The following DHRS7B variants were observed in gnomAD, a reference collection of about 807,000 sequenced individuals.
DHRS7B encodes the protein peroxisomal reductase activating PPAR-gamma.
Under a neutral mutation model 26.4 loss-of-function variants are expected in DHRS7B, and 24 were observed. That is an observed-to-expected ratio of 0.91 (90% CI 0.66 to 1.28). DHRS7B has a LOEUF of 1.28. Ranked by LOEUF, DHRS7B falls within the 50% of genes most tolerant of loss-of-function variation. The probability of loss-of-function intolerance (pLI) is 0.00; values close to 1 mark genes in which losing one functional copy is unlikely to be tolerated. For synonymous variants in DHRS7B, 142 were observed against 166.4 expected (o/e 0.85, Z 1.13); for missense variants, 368 against 419.4 (o/e 0.88, Z 1.07).
intron 1 of DHRS7B, among the ~76,000 whole-genome samples, chr17:21,164,992 T>C (rs1447258318): frequency 6.6e-6 from 1 of 152,260 alleles, no homozygotes; most frequent in Non-Finnish European, 1.5e-5. Context: ...TCTCTGGGAA[T>C]TGCCTTTTTT....
At chr17:21,127,168 C>T in intron 1 of DHRS7B, 177 bp downstream of exon 1, 1 of 632,428 alleles carries the variant, frequency 1.6e-6, no homozygotes, top group Non-Finnish European at 2.5e-6. Context: ...TCAGCCCAGG[C>T]GCTGGGACCA....
At chr17:21,165,045 A>T (rs1384293641) in intron 1 of DHRS7B, among the ~76,000 whole-genome samples, 1 of 152,206 alleles carries the variant, frequency 6.6e-6, no homozygotes, top group Non-Finnish European at 1.5e-5. Flanking sequence ...CAAGATTTTC[A>T]TATTTACAAA....
rs115830740 is a variant in DHRS7B, at chr17:21,188,844, G to A, written c.753G>A (p.Ala251=). 10 of 1,614,174 alleles carry A rather than the reference G, an allele frequency of 6.2e-6. No individual in the cohort carries two copies. The East Asian group carries it at 1.3e-4, about 22-fold the overall frequency. The part of the protein sequence containing the change: ...HTNLSVNAIT[A]DGSRYGVMDT... ...ACCTCTCTGTAAATGCCATCACCGC[G>A]GATGGATCTAGGTATGGAGGTGAGG... is the stretch of plus-strand genomic sequence containing the variant. Residue 251 remains alanine (A), a synonymous_variant, in exon 6 of 7, where the codon GCG becomes GCA. Transcript: ENST00000395511.
intron 1 of DHRS7B, among the ~76,000 whole-genome samples, chr17:21,130,595 G>A (rs1973208442): frequency 6.6e-6 from 1 of 151,880 alleles, no homozygotes; most frequent in Admixed American, 6.6e-5. Context: ...TATAAATACT[G>A]GGTTTTTCAA....
chr17:21,148,230 T>A (rs746149787), intron 1 of DHRS7B, among the ~76,000 whole-genome samples: 33 of 151,730 alleles, frequency 2.2e-4, no homozygotes, highest in Non-Finnish European at 3.2e-4. Flanking sequence ...AAATAATTTT[T>A]AAAAAAAGAA....
At chr17:21,152,407 A>G (rs1218492480) in intron 1 of DHRS7B, among the ~76,000 whole-genome samples, 1 of 152,210 alleles carries the variant, frequency 6.6e-6, no homozygotes, top group Non-Finnish European at 1.5e-5. Context: ...TGCCTGCCTC[A>G]GCCTCCCAAA....
At chr17:21,175,913 C>T (rs970457540) in intron 2 of DHRS7B, among the ~76,000 whole-genome samples, 5 of 133,178 alleles carry the variant, frequency 3.8e-5, no homozygotes, top group African/African-American at 5.7e-5. Flanking sequence ...GGGTGCAGAG[C>T]GAGACCCTGT....
intron 1 of DHRS7B, among the ~76,000 whole-genome samples, chr17:21,164,257 C>T: frequency 6.6e-6 from 1 of 151,966 alleles, no homozygotes. Flanking sequence ...TCTCAAACTC[C>T]TGGGCTCAAG....
rs765409007 is a variant in DHRS7B, at chr17:21,188,662, T to C, written c.620-49T>C. The C allele has an allele frequency of 6.5e-6, 10 of 1,526,760 alleles. No homozygotes were observed. In the South Asian group the frequency reaches 1.2e-4, roughly 18 times the overall value. The allele number at this position is 1,526,760 out of a possible 1,614,324, so 94.6% of individuals were successfully genotyped here. ...TAGTGAATAGTTGGGCACCAGGCCA[T>C]GCCCACCCCAGCGCACTCAGTCACC... On this transcript the variant is annotated intron_variant, in intron 5 of 6. Transcript: ENST00000395511.
At chr17:21,190,583 G>A (rs1204400442) in intron 6 of DHRS7B, among the ~76,000 whole-genome samples, 1 of 152,206 alleles carries the variant, frequency 6.6e-6, no homozygotes, top group Non-Finnish European at 1.5e-5. Context: ...CTTTTCAGGT[G>A]CGGTGTGAGG....
chr17:21,182,028 G>C (rs796827084), intron 3 of DHRS7B, among the ~76,000 whole-genome samples: 1 of 152,300 alleles, frequency 6.6e-6, no homozygotes, highest in African/African-American at 2.4e-5. Flanking sequence ...TTAGAGGAAG[G>C]CTTTCCATCT....
chr17:21,149,587 A>C (rs1049782913), intron 1 of DHRS7B, among the ~76,000 whole-genome samples: 16 of 152,226 alleles, frequency 1.1e-4, no homozygotes, highest in Non-Finnish European at 2.1e-4. Context: ...AAAATTATGT[A>C]AATTAAGACA....
At chr17:21,173,506 C>T (rs1031084439) in intron 2 of DHRS7B, among the ~76,000 whole-genome samples, 1 of 152,174 alleles carries the variant, frequency 6.6e-6, no homozygotes, top group Non-Finnish European at 1.5e-5. Flanking sequence ...GGGAGAAGCA[C>T]GGTCCTGTAG....
intron 2 of DHRS7B, among the ~76,000 whole-genome samples, chr17:21,175,843 G>A (rs1006467318): frequency 5.3e-5 from 8 of 151,296 alleles, no homozygotes; most frequent in Admixed American, 1.3e-4. Context: ...GTGGAGGCTC[G>A]CTTGAGCCTG....
At position 21,188,040 on chromosome 17, in the gene DHRS7B, C is replaced by T. The variant is rs182203993; in HGVS notation, c.620-671C>T. On this transcript the variant is annotated intron_variant, in intron 5 of 6. Coordinates refer to ENST00000395511, the MANE Select transcript of DHRS7B (RefSeq NM_015510.5). Reference sequence around the variant, plus strand: ...ATTTTTTTTGTATATTTAGTAGAGACGGGGTTTCATCGTGTTAGCTAGGAT... The same window carrying T: ...ATTTTTTTTGTATATTTAGTAGAGATGGGGTTTCATCGTGTTAGCTAGGAT... 1.5e-3 allele frequency among the ~76,000 whole-genome samples: 226 copies of T among 152,032 alleles called. 1 individual carries two copies. Among genetic ancestry groups the T allele is most frequent in the Admixed American group, 3.5e-3 (53 of 15,260 alleles).
chr17:21,162,506 T>A (rs886735700), intron 1 of DHRS7B, among the ~76,000 whole-genome samples: 2 of 152,214 alleles, frequency 1.3e-5, no homozygotes, highest in Admixed American at 1.3e-4. Context: ...TTTATGAAGT[T>A]CTCACCACAT....
At position 21,153,610 on chromosome 17, in the gene DHRS7B, T is replaced by C. The variant is rs149575839; in HGVS notation, c.21-18408T>C. 9.2e-5 allele frequency among the ~76,000 whole-genome samples: 14 copies of C among 152,280 alleles called. No individual in the cohort carries two copies. In the East Asian group the frequency reaches 2.7e-3, roughly 29 times the overall value. ...TAATTTATAAAAAAACAGAAATGTCTTACAGTTCCAGAGGCTAGGAAGTAG... is the reference window on the plus strand; with the variant it reads ...TAATTTATAAAAAAACAGAAATGTCCTACAGTTCCAGAGGCTAGGAAGTAG... On this transcript the variant is annotated intron_variant, in intron 1 of 6. Transcript: ENST00000395511.
chr17:21,175,292 G>T (rs1048498691), intron 2 of DHRS7B, among the ~76,000 whole-genome samples: 2 of 152,172 alleles, frequency 1.3e-5, no homozygotes, highest in Non-Finnish European at 2.9e-5. Context: ...CTTTAAGGAA[G>T]TTTGACACTT....
chr17:21,161,623 A>G (rs913329498), intron 1 of DHRS7B, among the ~76,000 whole-genome samples: 5 of 152,220 alleles, frequency 3.3e-5, no homozygotes, highest in Non-Finnish European at 7.3e-5. Context: ...TGTGAGAGAA[A>G]TAAGAAGAGA....
Sources: allele counts gnomAD v4.1 joint callset (sites outside exome capture counted in the v4.1 genomes callset), GRCh38; gene constraint gnomAD v4.1.1; transcripts MANE v1.5; gene names NCBI Gene and HGNC (gene_info 2026-07-23, HGNC 2026-07-21).